Variants in SHLD3 observed in about 807,000 individuals in gnomAD.
SHLD3 encodes the protein shieldin complex subunit 3.
SHLD3 carries 15 observed loss-of-function variants against 21.4 expected under a neutral mutation model. That is an observed-to-expected ratio of 0.70 (90% CI 0.47 to 1.08). The LOEUF (loss-of-function observed/expected upper bound fraction) is 1.08. Ranked by LOEUF, SHLD3 falls within the 50% of genes least tolerant of loss-of-function variation. SHLD3 has a pLI of 0.00. For missense variants in SHLD3, 273 were observed against 286.1 expected, an observed-to-expected ratio of 0.95 and a Z score of 0.33; for synonymous variants, 103 against 97.2, an observed-to-expected ratio of 1.06 and a Z score of -0.35.
chr5:65,625,704 A>G (rs1251504789), intron 1 of SHLD3, among the ~76,000 whole-genome samples: 2 of 152,176 alleles, frequency 1.3e-5, no homozygotes, highest in South Asian at 2.1e-4. Context: ...TTAGGAAAAA[A>G]CAGCAGCACT....
chr5:65,625,175 C>T (rs1755150183), intron 1 of SHLD3, 69 bp downstream of exon 1: 2 of 1,303,252 alleles, frequency 1.5e-6, no homozygotes, highest in East Asian at 2.3e-5. Context: ...AAGCCTTTGC[C>T]ATGTAGGCCT....
chr5:65,625,169 C>A (rs941962174), intron 1 of SHLD3, 63 bp downstream of exon 1: 3 of 1,397,798 alleles, frequency 2.1e-6, no homozygotes, highest in Non-Finnish European at 3.1e-6. Context: ...TTATCGAAGC[C>A]TTTGCCATGT....
chr5:65,629,656 A>G lies in SHLD3; in HGVS notation c.69A>G (p.Ala23=). 1 of 1,536,084 alleles carries G rather than the reference A, an allele frequency of 6.5e-7. No homozygotes were observed. Among genetic ancestry groups the G allele is most frequent in the Non-Finnish European group, 8.7e-7 (1 of 1,146,870 alleles). The change falls in exon 2 of 2, where the codon GCA becomes GCG. Residue 23 remains alanine (A), a synonymous_variant. Coordinates refer to ENST00000510585, the MANE Select transcript of SHLD3 (RefSeq NM_001365341.2). ...ESDPTQLPKI[A]EKAIQDFPTR... ...ATCCCACACAACTGCCAAAAATTGC[A>G]GAAAAAGCAATTCAAGACTTTCCTA...
chr5:65,625,946 C>T (rs1561758776), intron 1 of SHLD3: 4 of 152,140 alleles, frequency 2.6e-5, no homozygotes, highest in South Asian at 4.1e-4. Context: ...TTGAGGAACG[C>T]CTTATCCTTC....
Position 65,630,048 on chromosome 5 carries a change from A to T in SHLD3, c.461A>T (p.Asp154Val). The change falls in exon 2 of 2, where the codon GAT becomes GTT. Residue 154 changes from aspartate to valine, a missense_variant. By Grantham distance (152) the Asp-to-Val change is radical. Coordinates refer to ENST00000510585, the MANE Select transcript of SHLD3 (RefSeq NM_001365341.2). ...NVSPLSKKLQ[D>V]SLKALNLHSL... ...TCTCCTTTGTCTAAAAAATTGCAAG[A>T]TAGTTTAAAGGCACTAAATTTACAC... 1 of 1,536,106 alleles carries T rather than the reference A, an allele frequency of 6.5e-7. No individual in the cohort carries two copies. Among genetic ancestry groups the T allele is most frequent in the Non-Finnish European group, 8.7e-7 (1 of 1,146,880 alleles).
intron 1 of SHLD3, among the ~76,000 whole-genome samples, chr5:65,628,877 G>T (rs1389709761): frequency 6.6e-6 from 1 of 151,362 alleles, no homozygotes; most frequent in African/African-American, 2.4e-5. Context: ...AGGCTGAGTG[G>T]CATGATCTTG....
Position 65,630,487 on chromosome 5 carries a change from TG to T in SHLD3, c.*148del. 1 of 1,379,290 alleles carries T rather than the reference TG, an allele frequency of 7.3e-7. No individual in the cohort carries two copies. Among genetic ancestry groups the T allele is most frequent in the Non-Finnish European group, 9.3e-7 (1 of 1,073,128 alleles). The allele number at this position is 1,379,290 out of a possible 1,614,324, so 85.4% of individuals were successfully genotyped here. On this transcript the variant is annotated 3_prime_UTR_variant, in exon 2 of 2. Transcript: ENST00000510585. ...ATTAAGTCAAGAAATTGCTGAGTTC[TG>T]CTTATTGGCAGCCTTCTTTTAAATG...
chr5:65,629,210 A>G (rs929766438), intron 1 of SHLD3, among the ~76,000 whole-genome samples: 3 of 152,112 alleles, frequency 2.0e-5, no homozygotes, highest in African/African-American at 4.8e-5. Context: ...CAAGTCCTTT[A>G]TATCTATTGA....
In SHLD3 at chr5:65,625,083, A is replaced by G; in HGVS notation, c.-144A>G. On this transcript the variant is annotated 5_prime_UTR_variant, in exon 1 of 2. Coordinates refer to ENST00000510585, the MANE Select transcript of SHLD3 (RefSeq NM_001365341.2). Reference sequence around the variant, plus strand: ...AAAATGGAAGTGAATCCCCCTAAACAGGAGCACCTGCTGGCGCTAAAAGGT... The same window carrying G: ...AAAATGGAAGTGAATCCCCCTAAACGGGAGCACCTGCTGGCGCTAAAAGGT... 4 of 1,613,880 alleles carry G rather than the reference A, an allele frequency of 2.5e-6. No homozygotes were observed. The highest frequency in any genetic ancestry group is 3.4e-6 in the Non-Finnish European group (4 of 1,179,784).
intron 1 of SHLD3, 107 bp from the exon 2 acceptor site, chr5:65,629,361 T>A (rs1256324009): frequency 2.6e-6 from 2 of 783,444 alleles, no homozygotes; most frequent in African/African-American, 3.5e-5. Flanking sequence ...TTTGGTAAAA[T>A]ACCACATTGG....
chr5:65,630,312 A>G lies in SHLD3; in HGVS notation c.725A>G (p.His242Arg), dbSNP rs1319733113. Reference protein sequence around the residue: ...ALTGKINLFVHKYGVIFSM With the variant: ...ALTGKINLFVRKYGVIFSM ...ACTGGAAAAATTAATTTATTTGTGC[A>G]TAAATATGGTGTTATTTTTAGTATG... The change falls in exon 2 of 2, where the codon CAT becomes CGT. Residue 242 changes from histidine (H) to arginine (R), a missense_variant. Coordinates refer to ENST00000510585, the MANE Select transcript of SHLD3 (RefSeq NM_001365341.2). The G allele has an allele frequency of 2.6e-6, 4 of 1,525,768 alleles. No homozygotes were observed. Among genetic ancestry groups the G allele is most frequent in the Middle Eastern group, 1.7e-4 (1 of 5,918 alleles). 94.5% of individuals were successfully genotyped at this position (1,525,768 alleles called of 1,614,324 possible). A position where few individuals can be genotyped will look rare whatever the true frequency, so the allele number is the denominator to read the frequency against.
intron 1 of SHLD3, chr5:65,625,342 A>T: frequency 2.3e-6 from 1 of 441,708 alleles, no homozygotes; most frequent in Non-Finnish European, 4.0e-6. Flanking sequence ...GTGCTGCTTC[A>T]GTCACGAGAT....
chr5:65,625,208 C>G, intron 1 of SHLD3, 102 bp downstream of exon 1: 1 of 991,654 alleles, frequency 1.0e-6, no homozygotes, highest in African/African-American at 1.6e-5. Context: ...ACACTCAGTG[C>G]TCGCCCTCCT....
intron 1 of SHLD3, chr5:65,625,784 A>AT (rs1393659462): frequency 2.6e-5 from 4 of 151,634 alleles, no homozygotes; most frequent in Non-Finnish European, 5.9e-5. Flanking sequence ...TTTCAGCTTT[A>AT]TTTTATTTGT....
intron 1 of SHLD3, chr5:65,625,958 C>G (rs1288447686): frequency 6.6e-6 from 1 of 152,172 alleles, no homozygotes; most frequent in African/African-American, 2.4e-5. Flanking sequence ...TTATCCTTCC[C>G]ATTATGATGT....
Position 65,630,757 on chromosome 5 carries a change from C to T in SHLD3, c.*417C>T. 1 of 786,032 alleles carries T rather than the reference C, an allele frequency of 1.3e-6. No homozygotes were observed. Among genetic ancestry groups the T allele is most frequent in the Non-Finnish European group, 1.5e-6 (1 of 646,758 alleles). 48.7% of individuals were successfully genotyped at this position (786,032 alleles called of 1,614,324 possible). ...ATGTAGTTCAAAGTGGGAGACTAGTCTAGATTTATAATGATGTTTCCAAAG... is the reference window on the plus strand; with the variant it reads ...ATGTAGTTCAAAGTGGGAGACTAGTTTAGATTTATAATGATGTTTCCAAAG... On this transcript the variant is annotated 3_prime_UTR_variant, in exon 2 of 2. Transcript: ENST00000510585.
At chr5:65,626,164 A>G (rs1319420604) in intron 1 of SHLD3, 1 of 152,234 alleles carries the variant, frequency 6.6e-6, no homozygotes, top group Non-Finnish European at 1.5e-5. Context: ...AAAGAAGAAA[A>G]GCAACTAATT....
chr5:65,628,916 C>G (rs896914240), intron 1 of SHLD3, among the ~76,000 whole-genome samples: 2 of 151,766 alleles, frequency 1.3e-5, no homozygotes, highest in Non-Finnish European at 2.9e-5. Context: ...CTCCCAGGTT[C>G]AAGCTATTCT....
rs1362058040 is a variant in SHLD3, at chr5:65,629,817, A to G, written c.230A>G (p.His77Arg). ...DVKQYLTISE[H>R]DAKSHSYDCT... ...AAACAGTACTTAACCATTTCAGAAC[A>G]TGATGCTAAGTCACACAGTTATGAT... Residue 77 changes from histidine (H) to arginine (R), a missense_variant, in exon 2 of 2, where the codon CAT becomes CGT. His to Arg is a conservative substitution (Grantham distance 29, BLOSUM62 0). Transcript: ENST00000510585. 1 of 1,535,968 alleles carries G rather than the reference A, an allele frequency of 6.5e-7. No individual in the cohort carries two copies. Among genetic ancestry groups the G allele is most frequent in the African/African-American group, 1.4e-5 (1 of 73,044 alleles).
Sources: allele counts gnomAD v4.1 joint callset (sites outside exome capture counted in the v4.1 genomes callset), GRCh38; gene constraint gnomAD v4.1.1; transcripts MANE v1.5; gene names NCBI Gene and HGNC (gene_info 2026-07-23, HGNC 2026-07-21).